AKAP12: variants seen among roughly 807,000 people sequenced by gnomAD.
AKAP12 encodes the protein A-kinase anchor protein 12.
A neutral mutation model predicts 79.9 loss-of-function variants in AKAP12; 32 were observed. That is an observed-to-expected ratio of 0.40 (90% CI 0.30 to 0.54). The LOEUF is 0.54. Among genes scored for constraint, AKAP12 ranks in the 20% least tolerant of loss-of-function variants. The pLI is 0.48. For missense variants in AKAP12, 2,074 were observed against 2,177.0 expected, an observed-to-expected ratio of 0.95 and a Z score of 0.94; for synonymous variants, 808 against 857.0, an observed-to-expected ratio of 0.94 and a Z score of 1.00.
intron 3 of AKAP12, among the ~76,000 whole-genome samples, chr6:151,317,709 A>G (rs1274968781): frequency 2.0e-5 from 3 of 152,238 alleles, no homozygotes; most frequent in African/African-American, 7.2e-5. Context: ...CCTTACCTCA[A>G]GGATGTTGCA....
rs932030815 is a variant in AKAP12 at position 151,345,266 on chromosome 6, G to A, written c.320-3445G>A. 7.9e-5 allele frequency among the ~76,000 whole-genome samples: 12 copies of A among 151,750 alleles called. No individual in the cohort carries two copies. In the East Asian group the frequency reaches 2.4e-3, roughly 30 times the overall value. ...AATTTTTTGTATTTTTAGTAGAGAC[G>A]GGGTTTCACCGTGTTAGCCAGGATG... On this transcript the variant is annotated intron_variant, in intron 3 of 4. Transcript: ENST00000402676.
chr6:151,351,324 C>G lies in AKAP12; in HGVS notation c.2933C>G (p.Ala978Gly). 1 of 1,614,250 alleles carries G rather than the reference C, an allele frequency of 6.2e-7. No homozygotes were observed. The highest frequency in any genetic ancestry group is 8.5e-7 in the Non-Finnish European group (1 of 1,180,048). Residue 978 changes from alanine (A) to glycine (G), a missense_variant, in exon 4 of 5, where the codon GCT (alanine) becomes GGT (glycine). Transcript: ENST00000402676. This position sits in a 1 kb window ranked among gnomAD's most constrained non-coding sequence, Gnocchi z 4.4. ...EAELTPEAVT[A>G]AETAGPLGAE... ...GAATTGACCCCCGAAGCTGTGACAG[C>G]TGCAGAAACTGCAGGGCCATTGGGT...
intron 3 of AKAP12, among the ~76,000 whole-genome samples, chr6:151,321,454 C>G (rs529402906): frequency 2.6e-5 from 4 of 152,128 alleles, no homozygotes; most frequent in African/African-American, 9.6e-5. Flanking sequence ...TCTTTGGTGA[C>G]TAGCTTCTTT....
intron 3 of AKAP12, among the ~76,000 whole-genome samples, chr6:151,336,860 T>C (rs967616052): frequency 1.3e-5 from 2 of 152,226 alleles, no homozygotes; most frequent in African/African-American, 4.8e-5. Flanking sequence ...GCCGTTTGTA[T>C]GTCTTCTTTT....
intron 3 of AKAP12, chr6:151,325,977 G>A: frequency 6.4e-7 from 1 of 1,573,424 alleles, no homozygotes; most frequent in Non-Finnish European, 8.7e-7. Context: ...GCGTTTGGTG[G>A]GGAGCCCGGG....
Position 151,352,349 on chromosome 6 carries a change from C to G in AKAP12, c.3958C>G (p.Leu1320Val), listed in dbSNP as rs924652111. ...EEAECKKDDA[L>V]ELQSHAKSPP... The stretch of plus-strand genomic sequence containing the variant: ...AGCTGAATGTAAAAAGGATGATGCT[C>G]TTGAACTGCAGAGTCACGCTAAGTC... Residue 1320 changes from leucine to valine, a missense_variant, in exon 4 of 5, where the codon CTT (leucine) becomes GTT (valine). Leu to Val is a conservative substitution (Grantham distance 32). This residue lies in a region of AKAP12 where 614 missense variants were observed against 665.6 expected (regional missense o/e 0.92). Coordinates refer to ENST00000402676, the MANE Select transcript of AKAP12 (RefSeq NM_005100.4). 1 of 1,614,174 alleles carries G rather than the reference C, an allele frequency of 6.2e-7. No homozygotes were observed. The highest frequency in any genetic ancestry group is 2.2e-5 in the East Asian group (1 of 44,868).
At chr6:151,348,669 C>T (rs768715046) in intron 3 of AKAP12, 42 bp from the exon 4 acceptor site, 2 of 554,314 alleles carry the variant, frequency 3.6e-6, no homozygotes, top group Non-Finnish European at 6.4e-6. Flanking sequence ...TTGTAATCAC[C>T]TTTTCTCTTC....
At chr6:151,297,803 T>G (rs1776770001) in intron 2 of AKAP12, among the ~76,000 whole-genome samples, 1 of 152,092 alleles carries the variant, frequency 6.6e-6, no homozygotes, top group Non-Finnish European at 1.5e-5. Flanking sequence ...AAATGCTGCC[T>G]CCTTTGAAAC....
chr6:151,353,738 T>A lies in AKAP12; in HGVS notation c.5347T>A (p.Ter1783LysextTer16). ...TGCAAAGTCAGAACTTACAGAATCT[T>A]AAAACATCATGCAGGTAAGCTTCCT... Reference protein sequence around the residue: ...ESAKSELTES* With the variant: ...ESAKSELTESK Residue 1783 changes from the stop codon to lysine, a stop_lost, in exon 4 of 5, where the codon TAA becomes AAA. Coordinates refer to ENST00000402676, the MANE Select transcript of AKAP12 (RefSeq NM_005100.4). 6.4e-7 allele frequency: 1 copy of A among 1,569,458 alleles called. No homozygotes were observed. The highest frequency in any genetic ancestry group is 8.6e-7 in the Non-Finnish European group (1 of 1,159,558).
At chr6:151,313,889 T>C (rs1010493170) in intron 3 of AKAP12, among the ~76,000 whole-genome samples, 26 of 152,302 alleles carry the variant, frequency 1.7e-4, no homozygotes, top group African/African-American at 6.3e-4. Flanking sequence ...GTGGCTAATA[T>C]CAATATGACT....
chr6:151,252,795 G>T (rs921434251), intron 2 of AKAP12, among the ~76,000 whole-genome samples: 2 of 151,220 alleles, frequency 1.3e-5, no homozygotes, highest in Admixed American at 6.6e-5. Context: ...CGGATGAGCA[G>T]TTGGCAGATC....
intron 2 of AKAP12, among the ~76,000 whole-genome samples, chr6:151,285,938 C>T (rs1371375321): frequency 1.3e-5 from 2 of 149,992 alleles, no homozygotes; most frequent in Non-Finnish European, 2.9e-5. Context: ...AGTGAAATGG[C>T]GCAATCTCCG....
chr6:151,353,610 A>C lies in AKAP12; in HGVS notation c.5219A>C (p.Asp1740Ala). The change falls in exon 4 of 5, where the codon GAT becomes GCT. Residue 1740 changes from aspartate (D) to alanine (A), a missense_variant. By Grantham distance (126) the Asp-to-Ala change is moderately radical. This residue lies in a region of AKAP12 where 614 missense variants were observed against 665.6 expected (regional missense o/e 0.92). Coordinates refer to ENST00000402676, the MANE Select transcript of AKAP12 (RefSeq NM_005100.4). ...TNGPKQKEKE[D>A]AQEVELQEGK... ...GGACCAAAACAAAAAGAGAAGGAGG[A>C]TGCCCAGGAAGTAGAATTGCAGGAA... 1.2e-6 allele frequency: 2 copies of C among 1,614,108 alleles called. No individual in the cohort carries two copies. Among genetic ancestry groups the C allele is most frequent in the Non-Finnish European group, 1.7e-6 (2 of 1,180,020 alleles).
At chr6:151,260,777 T>C (rs952776201) in intron 2 of AKAP12, among the ~76,000 whole-genome samples, 3 of 152,040 alleles carry the variant, frequency 2.0e-5, no homozygotes, top group African/African-American at 7.2e-5. Flanking sequence ...GCGGATCACC[T>C]GAGGTCAGGA....
chr6:151,348,403 C>A (rs1297032947), intron 3 of AKAP12: 7 of 509,354 alleles, frequency 1.4e-5, no homozygotes, highest in Non-Finnish European at 2.7e-5. Flanking sequence ...CTTTGAGAAG[C>A]TGAGACAGGA....
chr6:151,264,874 G>A lies in AKAP12; in HGVS notation c.162+24150G>A, dbSNP rs181505490. ...TTTTGTCTAAAAGTTTATGTTGGCC[G>A]GGCGCAGTGGCTCTCGCTTGTAATC... On this transcript the variant is annotated intron_variant, in intron 2 of 4. Transcript: ENST00000402676. Among the ~76,000 whole-genome samples the A allele has an allele frequency of 2.6e-3, 399 of 151,990 alleles. 7 individuals carry two copies. Among genetic ancestry groups the A allele is most frequent in the Admixed American group, 0.023 (353 of 15,248 alleles).
chr6:151,256,863 C>T (rs907249172), intron 2 of AKAP12, among the ~76,000 whole-genome samples: 18 of 151,104 alleles, frequency 1.2e-4, no homozygotes, highest in African/African-American at 2.9e-4. Context: ...TGGCCAGGCT[C>T]GTCTCAAACT....
rs1192128281 is a variant in AKAP12, at chr6:151,357,404, G to A, written c.*1690G>A. 1 of 152,176 alleles carries A rather than the reference G, an allele frequency of 6.6e-6. No homozygotes were observed. Among genetic ancestry groups the A allele is most frequent in the African/African-American group, 2.4e-5 (1 of 41,436 alleles). 9.4% of individuals were successfully genotyped at this position (152,176 alleles called of 1,614,324 possible). On this transcript the variant is annotated 3_prime_UTR_variant, in exon 5 of 5. Coordinates refer to ENST00000402676, the MANE Select transcript of AKAP12 (RefSeq NM_005100.4). ...AACTGGCCTGGCATATAGCTTTCCA[G>A]ATTTTACTCAAACTTGGTACTCCAG...
chr6:151,240,710 G>T lies in AKAP12; in HGVS notation c.148G>T (p.Asp50Tyr), dbSNP rs898242041. 2.9e-5 allele frequency: 33 copies of T among 1,120,836 alleles called. No individual in the cohort carries two copies. The highest frequency in any genetic ancestry group is 3.4e-5 in the Non-Finnish European group (31 of 913,816). 69.4% of individuals were successfully genotyped at this position (1,120,836 alleles called of 1,614,324 possible). The change falls in exon 2 of 5, where the codon GAC becomes TAC. Residue 50 changes from aspartate to tyrosine, a missense_variant. Asp to Tyr is a radical substitution (Grantham distance 160). Coordinates refer to ENST00000402676, the MANE Select transcript of AKAP12 (RefSeq NM_005100.4). The part of the protein sequence containing the change: ...TTADPAIAAS[D>Y]PATKLLQKNG... ...CGCGGACCCCGCCATCGCTGCCTCG[G>T]ACCCCGCCACCAAGGTACGGGCGTG...
Sources: allele counts gnomAD v4.1 joint callset (sites outside exome capture counted in the v4.1 genomes callset), GRCh38; gene constraint gnomAD v4.1.1; regional missense constraint gnomAD v4.1.1; non-coding constraint Gnocchi (gnomAD v3.1); transcripts MANE v1.5; gene names NCBI Gene and HGNC (gene_info 2026-07-23, HGNC 2026-07-21).